The following TMEM123 variants were observed in gnomAD, a reference collection of about 807,000 sequenced individuals.
TMEM123 encodes transmembrane protein 123, also known as porimin.
A neutral mutation model predicts 19.7 loss-of-function variants in TMEM123; 16 were observed. That is an observed-to-expected ratio of 0.81 (90% CI 0.55 to 1.23). TMEM123 has a LOEUF of 1.23. Ranked by LOEUF, TMEM123 falls within the 50% of genes most tolerant of loss-of-function variation. TMEM123 has a pLI of 0.00. For missense variants in TMEM123, 313 were observed against 257.8 expected (o/e 1.21, Z -1.47); for synonymous variants, 118 against 99.4 (o/e 1.19, Z -1.12).
intron 1 of TMEM123, among the ~76,000 whole-genome samples, chr11:102,450,463 A>T (rs1857926328): frequency 6.6e-6 from 1 of 152,174 alleles, no homozygotes; most frequent in African/African-American, 2.4e-5. Flanking sequence ...TGATTTGCAA[A>T]CTTGCTCATA....
chr11:102,449,115 T>C, intron 1 of TMEM123: 1 of 376,294 alleles, frequency 2.7e-6, no homozygotes, highest in Non-Finnish European at 5.1e-6. Flanking sequence ...TAGTACTTAC[T>C]ATATACCAGC....
chr11:102,401,494 G>A (rs746189577), intron 4 of TMEM123, 45 bp downstream of exon 4: 8 of 1,500,778 alleles, frequency 5.3e-6, no homozygotes, highest in African/African-American at 1.4e-5. Flanking sequence ...TTAAAGATGT[G>A]CACCAACAAT....
intron 2 of TMEM123, among the ~76,000 whole-genome samples, chr11:102,425,011 GAAGC>G (rs566966640): frequency 3.1e-4 from 47 of 152,318 alleles, no homozygotes; most frequent in East Asian, 1.2e-3. Flanking sequence ...TGAAAATACA[GAAGC>G]AAGAATGAAG....
intron 2 of TMEM123, among the ~76,000 whole-genome samples, chr11:102,420,293 T>C (rs535664032): frequency 2.6e-5 from 4 of 152,298 alleles, no homozygotes; most frequent in Admixed American, 6.5e-5. Context: ...TATCAGTTTG[T>C]ATTACTAACG....
At chr11:102,421,320 A>G (rs1477335757) in intron 2 of TMEM123, among the ~76,000 whole-genome samples, 1 of 152,186 alleles carries the variant, frequency 6.6e-6, no homozygotes, top group Non-Finnish European at 1.5e-5. Flanking sequence ...GTGTGAAAAA[A>G]CACATCTGGA....
At chr11:102,400,971 T>C (rs1186595039) in intron 4 of TMEM123, among the ~76,000 whole-genome samples, 1 of 152,208 alleles carries the variant, frequency 6.6e-6, no homozygotes, top group African/African-American at 2.4e-5. Flanking sequence ...CCATCAGACC[T>C]ATAGAGCTAC....
At chr11:102,435,431 C>T (rs1265880779) in intron 2 of TMEM123, among the ~76,000 whole-genome samples, 1 of 151,840 alleles carries the variant, frequency 6.6e-6, no homozygotes, top group Non-Finnish European at 1.5e-5. Flanking sequence ...AAAAACCGTA[C>T]AACAACAAGG....
intron 2 of TMEM123, among the ~76,000 whole-genome samples, chr11:102,427,679 A>C (rs1952141195): frequency 6.6e-6 from 1 of 151,620 alleles, no homozygotes; most frequent in African/African-American, 2.4e-5. Flanking sequence ...TCTACTAAAA[A>C]ACACACAAAT....
At chr11:102,404,952 C>G (rs1023937225) in intron 2 of TMEM123, among the ~76,000 whole-genome samples, 1 of 152,116 alleles carries the variant, frequency 6.6e-6, no homozygotes, top group African/African-American at 2.4e-5. Flanking sequence ...TTTAATAGTG[C>G]TGCTTACTTG....
chr11:102,437,934 C>T (rs1462517012), intron 2 of TMEM123, among the ~76,000 whole-genome samples: 1 of 152,194 alleles, frequency 6.6e-6, no homozygotes, highest in Admixed American at 6.5e-5. Flanking sequence ...GGTCTCAGCT[C>T]AGATGACCCC....
At chr11:102,407,123 C>T (rs1485003027) in intron 2 of TMEM123, among the ~76,000 whole-genome samples, 1 of 152,138 alleles carries the variant, frequency 6.6e-6, no homozygotes, top group African/African-American at 2.4e-5. Context: ...GTCCCTTAAG[C>T]CTCTCTAGGC....
At chr11:102,442,248 A>AAAAAG (rs1857834938) in intron 2 of TMEM123, among the ~76,000 whole-genome samples, 1 of 150,218 alleles carries the variant, frequency 6.7e-6, no homozygotes, top group Non-Finnish European at 1.5e-5. Flanking sequence ...GACACAACAA[A>AAAAAG]AGAATTTTAG....
intron 2 of TMEM123, among the ~76,000 whole-genome samples, chr11:102,434,369 T>C (rs1857741367): frequency 6.6e-6 from 1 of 151,974 alleles, no homozygotes; most frequent in African/African-American, 2.4e-5. Flanking sequence ...CTCATGTAAC[T>C]ATTGGCTATC....
intron 1 of TMEM123, chr11:102,451,353 C>T (rs1013789139): frequency 2.6e-5 from 4 of 151,942 alleles, no homozygotes; most frequent in Non-Finnish European, 5.9e-5. Context: ...CACTTTTTTT[C>T]TTAAATGATC....
Position 102,452,593 on chromosome 11 carries a change from C to T in TMEM123, c.31G>A (p.Ala11Thr). The change falls in exon 1 of 5, where the codon GCG becomes ACG. Residue 11 changes from alanine (A) to threonine (T), a missense_variant. By Grantham distance (58) the Ala-to-Thr change is moderately conservative (BLOSUM62 0). Coordinates refer to ENST00000398136, the MANE Select transcript of TMEM123 (RefSeq NM_052932.3). MGLGARGAWA[A>T]LLLGTLQVLA... Reference sequence around the variant, plus strand: ...ACCTGCAGCGTCCCCAGGAGCAGCGCGGCCCAAGCACCTCGCGCGCCGAGT... The same window carrying T: ...ACCTGCAGCGTCCCCAGGAGCAGCGTGGCCCAAGCACCTCGCGCGCCGAGT... 1.3e-6 allele frequency: 2 copies of T among 1,568,260 alleles called. No homozygotes were observed. The highest frequency in any genetic ancestry group is 2.4e-5 in the East Asian group (1 of 42,326).
chr11:102,437,166 T>C (rs1820861676), intron 2 of TMEM123, among the ~76,000 whole-genome samples: 1 of 152,214 alleles, frequency 6.6e-6, no homozygotes, highest in Non-Finnish European at 1.5e-5. Context: ...ACTGTTTATC[T>C]CTTCTAACAC....
intron 2 of TMEM123, among the ~76,000 whole-genome samples, chr11:102,442,004 G>A (rs1201615482): frequency 6.6e-6 from 1 of 152,182 alleles, no homozygotes; most frequent in Middle Eastern, 3.2e-3. Context: ...AAACCAGGAA[G>A]AAGTTGAATC....
intron 2 of TMEM123, among the ~76,000 whole-genome samples, chr11:102,411,616 GTAGA>G (rs1952005321): frequency 1.3e-5 from 2 of 151,924 alleles, no homozygotes; most frequent in African/African-American, 2.4e-5. Context: ...CAGATAGGTA[GTAGA>G]TAGAGTCAGA....
At chr11:102,450,709 G>A (rs1857929059) in intron 1 of TMEM123, among the ~76,000 whole-genome samples, 1 of 152,158 alleles carries the variant, frequency 6.6e-6, no homozygotes, top group Non-Finnish European at 1.5e-5. Context: ...TGTATTAATT[G>A]TTTTACTTGC....
Sources: allele counts gnomAD v4.1 joint callset (sites outside exome capture counted in the v4.1 genomes callset), GRCh38; gene constraint gnomAD v4.1.1; transcripts MANE v1.5; gene names NCBI Gene and HGNC (gene_info 2026-07-23, HGNC 2026-07-21).